Variants in PDE1C observed in about 807,000 individuals in gnomAD.
PDE1C encodes the protein phosphodiesterase 1C.
Under a neutral mutation model 93.1 loss-of-function variants are expected in PDE1C, and 62 were observed. That is an observed-to-expected ratio of 0.67 (90% CI 0.54 to 0.82). PDE1C has a LOEUF of 0.82. Among genes scored for constraint, PDE1C ranks in the 40% least tolerant of loss-of-function variants. The pLI, the probability that PDE1C is intolerant of heterozygous loss-of-function variation, is 0.00. For missense variants in PDE1C, 742 were observed against 884.6 expected, an observed-to-expected ratio of 0.84 and a Z score of 2.04; for synonymous variants, 325 against 310.1, an observed-to-expected ratio of 1.05 and a Z score of -0.50.
At chr7:32,036,670 A>T (rs1003888190) in intron 2 of PDE1C, among the ~76,000 whole-genome samples, 4 of 152,250 alleles carry the variant, frequency 2.6e-5, no homozygotes, top group Non-Finnish European at 5.9e-5. Context: ...ATGGCAAGCA[A>T]CATTATGTCA....
the PDE1C span, among the ~76,000 whole-genome samples, chr7:31,743,730 T>G: frequency 6.6e-6 from 1 of 152,240 alleles, no homozygotes; most frequent in South Asian, 2.1e-4. Context: ...AACAGCAACT[T>G]AAAGAAATAA....
At chr7:31,949,902 C>T (rs185037898) in intron 2 of PDE1C, among the ~76,000 whole-genome samples, 10 of 152,206 alleles carry the variant, frequency 6.6e-5, no homozygotes, top group Admixed American at 2.0e-4. Flanking sequence ...TTACTTTCTT[C>T]GTAGATTTTC....
intron 3 of PDE1C, among the ~76,000 whole-genome samples, chr7:32,142,054 T>G (rs191231484): frequency 1.3e-5 from 2 of 151,300 alleles, no homozygotes; most frequent in Non-Finnish European, 2.9e-5. Flanking sequence ...CCTTCTGCAG[T>G]TGGGTTTTGA....
upstream of PDE1C, among the ~76,000 whole-genome samples, chr7:32,075,013 C>T (rs901226678): frequency 1.3e-5 from 2 of 152,126 alleles, no homozygotes; most frequent in African/African-American, 4.8e-5. Flanking sequence ...GTGGAGGGTA[C>T]CTGCTGCCCT....
chr7:31,954,754 G>C (rs1281611189), intron 2 of PDE1C, among the ~76,000 whole-genome samples: 1 of 152,136 alleles, frequency 6.6e-6, no homozygotes, highest in Non-Finnish European at 1.5e-5. Flanking sequence ...TAGCAGTAGA[G>C]GCTGTCTCAT....
chr7:32,420,979 G>A lies in PDE1C; in HGVS notation c.310+6843C>T, dbSNP rs144150186. 3.2e-4 allele frequency among the ~76,000 whole-genome samples: 48 copies of A among 152,188 alleles called. No individual in the cohort carries two copies. The East Asian group carries it at 9.3e-3, about 29-fold the overall frequency. On this transcript the variant is annotated intron_variant, in intron 1 of 1. Coordinates refer to the PDE1C transcript ENST00000672256. Reference sequence around the variant, plus strand: ...TGATCTCACCTGATCCCAGCTCTCAGTCTATCCATGAGCAAGTCACTTGGA... The same window carrying A: ...TGATCTCACCTGATCCCAGCTCTCAATCTATCCATGAGCAAGTCACTTGGA...
chr7:32,070,831 A>G (rs544624006), upstream of PDE1C: 576 of 987,220 alleles, frequency 5.8e-4, 2 homozygotes, highest in Middle Eastern at 9.4e-3. Flanking sequence ...GAGAAGGGAG[A>G]GAAAAGCGGC....
chr7:32,320,247 T>C (rs1421329204), intron 1 of PDE1C, among the ~76,000 whole-genome samples: 1 of 152,232 alleles, frequency 6.6e-6, no homozygotes, highest in African/African-American at 2.4e-5. Flanking sequence ...TTAAGTATCA[T>C]GCTTGTAACA....
At chr7:32,068,015 T>C (rs951426148) in intron 1 of PDE1C, among the ~76,000 whole-genome samples, 1 of 152,164 alleles carries the variant, frequency 6.6e-6, no homozygotes, top group Non-Finnish European at 1.5e-5. Context: ...TGCGATAACA[T>C]TGAATAATCC....
chr7:32,058,746 A>G (rs1022433894), intron 1 of PDE1C, among the ~76,000 whole-genome samples: 8 of 152,252 alleles, frequency 5.3e-5, no homozygotes, highest in Non-Finnish European at 5.9e-5. Context: ...AATGCTAATG[A>G]GAAAAATATA....
intron 6 of PDE1C, among the ~76,000 whole-genome samples, chr7:31,867,639 T>C (rs1384877463): frequency 6.6e-6 from 1 of 152,186 alleles, no homozygotes; most frequent in Non-Finnish European, 1.5e-5. Context: ...GCTCATGCCA[T>C]GCCTACTGTT....
chr7:31,968,344 G>T (rs983260445), intron 2 of PDE1C, among the ~76,000 whole-genome samples: 253 of 152,068 alleles, frequency 1.7e-3, no homozygotes, highest in African/African-American at 5.9e-3. Flanking sequence ...AATCATGAGT[G>T]AACTCCCATT....
Position 31,752,582 on chromosome 7 carries a change from C to T in PDE1C, c.*802G>A, listed in dbSNP as rs769926909. ...CAAACTGACATCTTTTGCAATGACT[C>T]TTAAACCTGCAGTCTTTAAGGCAAG... is the stretch of plus-strand genomic sequence containing the variant. On this transcript the variant is annotated 3_prime_UTR_variant, in exon 18 of 18. Coordinates refer to ENST00000396191, the MANE Select transcript of PDE1C (RefSeq NM_001191057.4). 1 of 152,118 alleles carries T rather than the reference C, an allele frequency of 6.6e-6. No homozygotes were observed. Among genetic ancestry groups the T allele is most frequent in the Non-Finnish European group, 1.5e-5 (1 of 68,012 alleles). The allele number at this position is 152,118 out of a possible 1,614,324, so 9.4% of individuals were successfully genotyped here. A position where few individuals can be genotyped will look rare whatever the true frequency, so the allele number is the denominator to read the frequency against.
intron 3 of PDE1C, among the ~76,000 whole-genome samples, chr7:32,080,167 G>A (rs897235297): frequency 1.3e-5 from 2 of 152,122 alleles, no homozygotes; most frequent in African/African-American, 4.8e-5. Context: ...CCTGTGATGA[G>A]GTCAGGAGGC....
chr7:31,984,261 G>C (rs553252252), intron 2 of PDE1C, among the ~76,000 whole-genome samples: 28 of 152,212 alleles, frequency 1.8e-4, no homozygotes, highest in African/African-American at 6.5e-4. Context: ...ATAGTAGCAC[G>C]AACCCTACTG....
At chr7:32,355,213 A>G (rs960082660) in intron 1 of PDE1C, among the ~76,000 whole-genome samples, 1 of 152,224 alleles carries the variant, frequency 6.6e-6, no homozygotes, top group Non-Finnish European at 1.5e-5. Context: ...CTCCGCGAAC[A>G]TGAAAGCTGC....
In PDE1C at chr7:32,420,120, TATATACAC is replaced by T. The variant is rs1363569011; in HGVS notation, c.310+7694_310+7701del. ...ATATATATATATATATATATATATATATATACACACACACACACACACACACACACACA... is the reference window on the plus strand; with the variant it reads ...ATATATATATATATATATATATATATACACACACACACACACACACACACA... On this transcript the variant is annotated intron_variant, in intron 1 of 1. Transcript: ENST00000672256. Among the ~76,000 whole-genome samples, 4 of 23,168 alleles carry T rather than the reference TATATACAC, an allele frequency of 1.7e-4. 1 individual carries two copies. The highest frequency in any genetic ancestry group is 2.7e-4 in the Non-Finnish European group (3 of 11,176). 15.2% of individuals were successfully genotyped at this position (23,168 alleles called of 152,430 possible).
At position 31,820,266 on chromosome 7, in the gene PDE1C, A is replaced by G. The variant is rs578205172; in HGVS notation, c.1582+2807T>C. 1.0e-3 allele frequency among the ~76,000 whole-genome samples: 158 copies of G among 152,180 alleles called. 4 individuals are homozygous for G. In the South Asian group the frequency reaches 0.031, roughly 30 times the overall value. ...ATCAGAATTTTAATAATAGTTATAT[A>G]TGTCTAGAGAGGTAATTAGTAATTT... On this transcript the variant is annotated intron_variant, in intron 14 of 17. Transcript: ENST00000396191.
intron 16 of PDE1C, among the ~76,000 whole-genome samples, chr7:31,795,452 C>A (rs750343975): frequency 6.6e-6 from 1 of 151,738 alleles, no homozygotes; most frequent in African/African-American, 2.4e-5. Context: ...CACCTTGCCC[C>A]GTAGTTACAA....
Sources: allele counts gnomAD v4.1 joint callset (sites outside exome capture counted in the v4.1 genomes callset), GRCh38; gene constraint gnomAD v4.1.1; transcripts MANE v1.5; gene names NCBI Gene and HGNC (gene_info 2026-07-23, HGNC 2026-07-21).